The following FRYL variants were observed in gnomAD, a reference collection of about 807,000 sequenced individuals.
The protein encoded by FRYL is FRY like transcription coactivator.
FRYL carries 150 observed loss-of-function variants against 351.2 expected under a neutral mutation model. The observed-to-expected ratio is 0.43, with a 90% confidence interval of 0.37 to 0.49. FRYL has a LOEUF of 0.49. FRYL is among the 20% of genes least tolerant of loss of function. The pLI, the probability that FRYL is intolerant of heterozygous loss-of-function variation, is 0.00. For synonymous variants in FRYL, 1,153 were observed against 1,257.1 expected, an observed-to-expected ratio of 0.92 and a Z score of 1.75; for missense variants, 3,036 against 3,619.3, an observed-to-expected ratio of 0.84 and a Z score of 4.13.
At chr4:48,648,855 T>C (rs1757067942) in intron 3 of FRYL, among the ~76,000 whole-genome samples, 1 of 152,090 alleles carries the variant, frequency 6.6e-6, no homozygotes, top group Non-Finnish European at 1.5e-5. Context: ...GAGTATGAGG[T>C]TTCTTTTTTA....
chr4:48,707,262 T>A (rs1405261902), intron 2 of FRYL, among the ~76,000 whole-genome samples: 1 of 152,196 alleles, frequency 6.6e-6, no homozygotes, highest in Non-Finnish European at 1.5e-5. Context: ...TATTTCTGAG[T>A]ATATACCCAA....
chr4:48,720,018 C>T (rs1346178087), intron 1 of FRYL, among the ~76,000 whole-genome samples: 3 of 150,526 alleles, frequency 2.0e-5, no homozygotes, highest in African/African-American at 2.4e-5. Context: ...GGTGTGGTGG[C>T]GTGCACCTGT....
intron 3 of FRYL, chr4:48,680,945 C>A: frequency 8.1e-7 from 1 of 1,231,310 alleles, no homozygotes; most frequent in Non-Finnish European, 1.0e-6. Context: ...TGTTGGTGTT[C>A]GTATTTGTCA....
chr4:48,626,036 G>A (rs1751732915), intron 4 of FRYL, among the ~76,000 whole-genome samples: 1 of 151,870 alleles, frequency 6.6e-6, no homozygotes, highest in East Asian at 1.9e-4. Context: ...TAAACTCAAG[G>A]GTTGCTGCTG....
intron 49 of FRYL, 64 bp from the exon 50 acceptor site, chr4:48,531,417 T>C (rs1479944178): frequency 1.1e-6 from 1 of 922,152 alleles, no homozygotes; most frequent in Non-Finnish European, 1.8e-6. Context: ...AACAACAATT[T>C]ACTGTACACC....
At chr4:48,765,836 G>GA (rs1434407919) in intron 1 of FRYL, among the ~76,000 whole-genome samples, 2 of 152,180 alleles carry the variant, frequency 1.3e-5, no homozygotes. Flanking sequence ...GCAAGGTACA[G>GA]AATAGGTATT....
At chr4:48,708,436 C>T (rs1201785458) in intron 2 of FRYL, among the ~76,000 whole-genome samples, 1 of 152,116 alleles carries the variant, frequency 6.6e-6, no homozygotes, top group Non-Finnish European at 1.5e-5. Context: ...CACTGCACTC[C>T]AGCCTGGGTG....
intron 47 of FRYL, among the ~76,000 whole-genome samples, chr4:48,538,901 C>A (rs1170417738): frequency 6.6e-6 from 1 of 151,968 alleles, no homozygotes; most frequent in Non-Finnish European, 1.5e-5. Flanking sequence ...CAATGACTGA[C>A]TGAAAAAAGT....
intron 1 of FRYL, among the ~76,000 whole-genome samples, chr4:48,715,222 ATG>A (rs1451585493): frequency 1.3e-5 from 2 of 151,434 alleles, no homozygotes; most frequent in Non-Finnish European, 3.0e-5. Context: ...CAAGACAGGG[ATG>A]CCCTCTCTCA....
intron 47 of FRYL, among the ~76,000 whole-genome samples, chr4:48,537,356 T>G (rs1729110397): frequency 6.6e-6 from 1 of 152,162 alleles, no homozygotes; most frequent in African/African-American, 2.4e-5. Flanking sequence ...TAAAATACGA[T>G]CCAAAAAGAG....
At chr4:48,689,895 C>CTT (rs869300628) in intron 2 of FRYL, among the ~76,000 whole-genome samples, 84 of 135,662 alleles carry the variant, frequency 6.2e-4, no homozygotes, top group Non-Finnish European at 6.9e-4. Context: ...TTCTTTTTTT[C>CTT]TTTTTTTTTT....
At chr4:48,534,787 T>C (rs1275300259) in intron 48 of FRYL, 102 bp from the exon 49 acceptor site, 3 of 702,650 alleles carry the variant, frequency 4.3e-6, no homozygotes, top group Non-Finnish European at 6.9e-6. Context: ...ATTTAGCCTA[T>C]GAGTTTATAG....
At chr4:48,707,211 C>T (rs1380825262) in intron 2 of FRYL, among the ~76,000 whole-genome samples, 2 of 152,066 alleles carry the variant, frequency 1.3e-5, no homozygotes, top group East Asian at 3.8e-4. Context: ...TTATTTGCAT[C>T]ATGATTTTTT....
intron 60 of FRYL, 60 bp downstream of exon 60, chr4:48,505,487 A>G: frequency 2.3e-6 from 2 of 884,112 alleles, no homozygotes; most frequent in Non-Finnish European, 3.8e-6. Flanking sequence ...ATTTGAACAC[A>G]TGCATTGTTT....
At chr4:48,747,260 A>T (rs1289048085) in intron 1 of FRYL, among the ~76,000 whole-genome samples, 1 of 151,638 alleles carries the variant, frequency 6.6e-6, no homozygotes, top group African/African-American at 2.4e-5. Context: ...TACTTGTTGG[A>T]GATAATTTTA....
chr4:48,538,872 GCC>G (rs533183407), intron 47 of FRYL, among the ~76,000 whole-genome samples: 269 of 152,036 alleles, frequency 1.8e-3, no homozygotes, highest in Non-Finnish European at 3.2e-3. Flanking sequence ...AGTCTGAAAA[GCC>G]TTTTTTCCTC....
chr4:48,578,810 C>T (rs1740240744), intron 23 of FRYL, among the ~76,000 whole-genome samples, 163 bp downstream of exon 23: 1 of 152,168 alleles, frequency 6.6e-6, no homozygotes, highest in Admixed American at 6.5e-5. Context: ...AGTTATGAGA[C>T]TATGTCCTTG....
At chr4:48,570,990 C>G (rs1738189759) in intron 26 of FRYL, 72 bp from the exon 27 acceptor site, 1 of 1,218,888 alleles carries the variant, frequency 8.2e-7, no homozygotes, top group Non-Finnish European at 1.2e-6. Flanking sequence ...GTGACTGCCT[C>G]AGAGAGAGGT....
Position 48,527,988 on chromosome 4 carries a change from G to C in FRYL, c.7123C>G (p.Leu2375Val). The C allele has an allele frequency of 1.3e-6, 2 of 1,576,544 alleles. No homozygotes were observed. The highest frequency in any genetic ancestry group is 1.7e-6 in the Non-Finnish European group (2 of 1,169,282). The change falls in exon 52 of 64, where the codon CTC becomes GTC. Residue 2375 changes from leucine (L) to valine (V), a missense_variant. This residue lies in a region of FRYL where 1,987 missense variants were observed against 2,311.7 expected (regional missense o/e 0.86). Coordinates refer to ENST00000358350, the MANE Select transcript of FRYL (RefSeq NM_015030.2). ...VLSLCGPESG[L>V]PKNPSVVFSS... Reference sequence around the variant, plus strand: ...TTACTCACTGATGGGTTCTTTGGGAGGCCAGATTCTGGACCACAGAGAGAA... The same window carrying C: ...TTACTCACTGATGGGTTCTTTGGGACGCCAGATTCTGGACCACAGAGAGAA...
Sources: gnomAD v4.1 joint callset for allele counts (sites outside exome capture counted in the v4.1 genomes callset) on GRCh38, gnomAD v4.1.1 for gene constraint, gnomAD v4.1.1 regional missense constraint, MANE v1.5 for transcripts, NCBI Gene and HGNC (gene_info 2026-07-23, HGNC 2026-07-21) for gene names.